ERBB4: variants seen among roughly 807,000 people sequenced by gnomAD.
The protein encoded by ERBB4 is erb-b2 receptor tyrosine kinase 4, also known as receptor tyrosine-protein kinase erbB-4.
In ERBB4, 42 loss-of-function variants were observed where a neutral mutation model predicts 158.0. That is an observed-to-expected ratio of 0.27 (90% CI 0.21 to 0.34). ERBB4 has a LOEUF of 0.34. ERBB4 is among the 10% of genes least tolerant of loss of function. ERBB4 has a pLI of 1.00. For missense variants in ERBB4, 1,333 were observed against 1,624.1 expected (o/e 0.82, Z 3.08); for synonymous variants, 583 against 558.7 (o/e 1.04, Z -0.61).
At chr2:211,763,495 C>G (rs1315105953) in intron 4 of ERBB4, among the ~76,000 whole-genome samples, 1 of 152,084 alleles carries the variant, frequency 6.6e-6, no homozygotes, top group Non-Finnish European at 1.5e-5. Flanking sequence ...CCAACATTTC[C>G]TTTACTAAGA....
intron 14 of ERBB4, among the ~76,000 whole-genome samples, chr2:211,669,328 G>A (rs2071752006): frequency 6.6e-6 from 1 of 151,672 alleles, no homozygotes; most frequent in African/African-American, 2.4e-5. Context: ...CAATATGGAG[G>A]TTATTTGTTA....
intron 2 of ERBB4, among the ~76,000 whole-genome samples, chr2:212,089,718 C>T (rs1390965247): frequency 2.6e-5 from 4 of 152,152 alleles, no homozygotes; most frequent in South Asian, 2.1e-4. Flanking sequence ...CCTATACTGC[C>T]TGTGGAACCA....
intron 20 of ERBB4, among the ~76,000 whole-genome samples, chr2:211,452,093 A>G (rs561117431): frequency 9.2e-5 from 14 of 152,324 alleles, no homozygotes; most frequent in African/African-American, 3.4e-4. Context: ...GCACTCATAC[A>G]CTGCACCTGA....
intron 1 of ERBB4, among the ~76,000 whole-genome samples, chr2:212,529,889 A>G (rs1236095417): frequency 6.6e-6 from 1 of 152,212 alleles, no homozygotes; most frequent in Admixed American, 6.5e-5. Flanking sequence ...CACAAATTCC[A>G]GGAAAAGGGA....
intron 1 of ERBB4, among the ~76,000 whole-genome samples, chr2:212,285,025 T>C (rs985873046): frequency 6.6e-6 from 1 of 152,074 alleles, no homozygotes; most frequent in Non-Finnish European, 1.5e-5. Context: ...TAATGTAATT[T>C]GATAGCTCAA....
intron 1 of ERBB4, among the ~76,000 whole-genome samples, chr2:212,253,214 T>C (rs1470603558): frequency 6.6e-6 from 1 of 152,246 alleles, no homozygotes; most frequent in Middle Eastern, 3.4e-3. Context: ...AATTAAAAGT[T>C]GTTACAAATT....
At chr2:212,134,854 T>G in intron 1 of ERBB4, among the ~76,000 whole-genome samples, 1 of 151,888 alleles carries the variant, frequency 6.6e-6, no homozygotes, top group East Asian at 1.9e-4. Context: ...TGGCTAATTT[T>G]TTTTGTATTT....
intron 2 of ERBB4, among the ~76,000 whole-genome samples, chr2:212,041,631 C>T (rs1310489061): frequency 1.3e-5 from 2 of 150,062 alleles, no homozygotes; most frequent in Non-Finnish European, 3.0e-5. Flanking sequence ...CAAATTACCG[C>T]GTTCTTTCAA....
At chr2:212,114,951 G>C (rs1559524855) in intron 2 of ERBB4, among the ~76,000 whole-genome samples, 1 of 152,184 alleles carries the variant, frequency 6.6e-6, no homozygotes, top group East Asian at 1.9e-4. Context: ...CTTGTTGAGG[G>C]GCTACAAGGT....
intron 1 of ERBB4, among the ~76,000 whole-genome samples, chr2:212,199,856 C>G (rs1041658935): frequency 7.0e-6 from 1 of 142,920 alleles, no homozygotes; most frequent in Non-Finnish European, 1.5e-5. Flanking sequence ...TCATTGACTG[C>G]CAGTCTGACC....
In ERBB4 at chr2:211,716,670, C is replaced by A. The variant is rs1297464070; in HGVS notation, c.884-3022G>T. On this transcript the variant is annotated intron_variant, in intron 7 of 27. Coordinates refer to ENST00000342788, the MANE Select transcript of ERBB4 (RefSeq NM_005235.3). ...CGGCCTGGGCGACAGAGCGAGACTC[C>A]GTCTCAAAAAACAACAACAACAACA... is the stretch of plus-strand genomic sequence containing the variant. Among the ~76,000 whole-genome samples, 9 of 150,938 alleles carry A rather than the reference C, an allele frequency of 6.0e-5. No homozygotes were observed. In the East Asian group the frequency reaches 1.8e-3, roughly 29 times the overall value.
chr2:212,232,817 A>C (rs1185845220), intron 1 of ERBB4, among the ~76,000 whole-genome samples: 2 of 152,192 alleles, frequency 1.3e-5, no homozygotes, highest in African/African-American at 4.8e-5. Flanking sequence ...TCCCTTTGGG[A>C]ATTGTCCCCA....
At chr2:212,471,256 AAT>A (rs1689103177) in intron 1 of ERBB4, among the ~76,000 whole-genome samples, 1 of 152,038 alleles carries the variant, frequency 6.6e-6, no homozygotes, top group South Asian at 2.1e-4. Context: ...GGTTTTTAGA[AAT>A]ATTTTATTAC....
At chr2:212,278,308 T>G (rs537587011) in intron 1 of ERBB4, among the ~76,000 whole-genome samples, 1 of 151,800 alleles carries the variant, frequency 6.6e-6, no homozygotes, top group Non-Finnish European at 1.5e-5. Flanking sequence ...CAAGGGTCCT[T>G]TATTTTATTT....
At chr2:212,464,892 T>TCACA (rs148243973) in intron 1 of ERBB4, among the ~76,000 whole-genome samples, 5,171 of 146,084 alleles carry the variant, frequency 0.035, 130 homozygotes, top group Admixed American at 0.08. Context: ...AAGGGAAACA[T>TCACA]CACACACACA....
At chr2:212,093,478 T>C (rs186719410) in intron 2 of ERBB4, among the ~76,000 whole-genome samples, 1 of 152,284 alleles carries the variant, frequency 6.6e-6, no homozygotes, top group African/African-American at 2.4e-5. Context: ...CTGACATCTA[T>C]AACTCAATGG....
chr2:212,153,256 C>A (rs2080927860), intron 1 of ERBB4, among the ~76,000 whole-genome samples: 2 of 152,174 alleles, frequency 1.3e-5, no homozygotes, highest in African/African-American at 4.8e-5. Flanking sequence ...GTTCCCTGTA[C>A]TTTAAACCCA....
chr2:212,030,222 A>G (rs939987794), intron 2 of ERBB4, among the ~76,000 whole-genome samples: 1 of 152,048 alleles, frequency 6.6e-6, no homozygotes, highest in African/African-American at 2.4e-5. Context: ...TTCTACTTCA[A>G]AAGGAGCCTC....
At chr2:212,470,226 A>G (rs1010294801) in intron 1 of ERBB4, among the ~76,000 whole-genome samples, 1 of 152,174 alleles carries the variant, frequency 6.6e-6, no homozygotes, top group Admixed American at 6.5e-5. Flanking sequence ...ACTGCTTCAA[A>G]TAAAGTAAAG....
Sources: allele counts gnomAD v4.1 joint callset (sites outside exome capture counted in the v4.1 genomes callset), GRCh38; gene constraint gnomAD v4.1.1; transcripts MANE v1.5; gene names NCBI Gene and HGNC (gene_info 2026-07-23, HGNC 2026-07-21).